LONP2: variants seen among roughly 807,000 people sequenced by gnomAD.
The protein encoded by LONP2 is lon peptidase 2, peroxisomal.
Under a neutral mutation model 85.6 loss-of-function variants are expected in LONP2, and 60 were observed. The observed-to-expected ratio is 0.70, with a 90% CI of 0.57 to 0.87. The LOEUF (loss-of-function observed/expected upper bound fraction) is 0.87, where lower values mean the gene tolerates loss of function less well. Among genes scored for constraint, LONP2 ranks in the 40% least tolerant of loss-of-function variants. The pLI is 0.00. For missense variants in LONP2, 860 were observed against 1,063.5 expected (o/e 0.81, Z 2.66); for synonymous variants, 395 against 389.7 (o/e 1.01, Z -0.16).
chr16:48,313,634 C>T (rs1317180643), intron 11 of LONP2, among the ~76,000 whole-genome samples: 1 of 152,172 alleles, frequency 6.6e-6, no homozygotes, highest in Non-Finnish European at 1.5e-5. Context: ...TAGTTTCATC[C>T]ATGTCCCTGC....
chr16:48,260,554 A>G (rs1160680391), intron 4 of LONP2, among the ~76,000 whole-genome samples: 1 of 152,240 alleles, frequency 6.6e-6, no homozygotes, highest in Non-Finnish European at 1.5e-5. Flanking sequence ...AGCAGTGTTC[A>G]TGCCATTGCA....
chr16:48,303,759 G>A (rs1308426340), intron 11 of LONP2, among the ~76,000 whole-genome samples: 1 of 152,138 alleles, frequency 6.6e-6, no homozygotes, highest in East Asian at 1.9e-4. Context: ...AGCCCCAAGA[G>A]CCCCCAGCAA....
At position 48,354,723 on chromosome 16, in the gene LONP2, T is replaced by A. The variant is rs1960272791; in HGVS notation, c.*2921T>A. 6.6e-6 allele frequency: 1 copy of A among 152,170 alleles called. No homozygotes were observed. Among genetic ancestry groups the A allele is most frequent in the Non-Finnish European group, 1.5e-5 (1 of 68,040 alleles). 9.4% of individuals were successfully genotyped at this position (152,170 alleles called of 1,614,324 possible). The stretch of plus-strand genomic sequence containing the variant: ...TCGAACAGTCACTGGGGCAACTACT[T>A]TTCGCCCAGTGTCCTCCAGAAAAGA... On this transcript the variant is annotated 3_prime_UTR_variant, in exon 15 of 15. Coordinates refer to ENST00000285737, the MANE Select transcript of LONP2 (RefSeq NM_031490.5).
At chr16:48,322,541 C>A (rs1439459168) in intron 11 of LONP2, among the ~76,000 whole-genome samples, 1 of 151,958 alleles carries the variant, frequency 6.6e-6, no homozygotes, top group Non-Finnish European at 1.5e-5. Context: ...CAGTTAACTT[C>A]TTTTTTACAG....
At chr16:48,338,903 G>C (rs1177392321) in intron 12 of LONP2, among the ~76,000 whole-genome samples, 1 of 151,962 alleles carries the variant, frequency 6.6e-6, no homozygotes, top group Non-Finnish European at 1.5e-5. Flanking sequence ...ACAAGACCCT[G>C]TCTCAAAAAA....
At chr16:48,272,881 G>A (rs2150979061) in intron 7 of LONP2, among the ~76,000 whole-genome samples, 1 of 152,230 alleles carries the variant, frequency 6.6e-6, no homozygotes, top group Middle Eastern at 3.4e-3. Flanking sequence ...GGGTTCAGTT[G>A]TTGAGGAAAG....
intron 7 of LONP2, among the ~76,000 whole-genome samples, chr16:48,272,996 G>A (rs1184442460): frequency 6.6e-6 from 1 of 152,064 alleles, no homozygotes; most frequent in Non-Finnish European, 1.5e-5. Context: ...GTGTGCCTGG[G>A]GGAACATGTG....
At chr16:48,255,107 T>C (rs1031271170) in intron 2 of LONP2, among the ~76,000 whole-genome samples, 1 of 152,200 alleles carries the variant, frequency 6.6e-6, no homozygotes, top group African/African-American at 2.4e-5. Context: ...AGTACATCAT[T>C]ATGAATTAGT....
intron 11 of LONP2, among the ~76,000 whole-genome samples, chr16:48,311,310 T>C (rs1973026331): frequency 6.6e-6 from 1 of 152,084 alleles, no homozygotes; most frequent in African/African-American, 2.4e-5. Context: ...CAATGTCTTA[T>C]GTAATCCCTT....
In LONP2 at chr16:48,351,717, G is replaced by A. The variant is rs77042401; in HGVS notation, c.2474G>A (p.Ser825Asn). The A allele has an allele frequency of 3.6e-4, 575 of 1,614,180 alleles. 1 individual carries two copies. The African/African-American group carries it at 6.6e-3, about 18-fold the overall frequency. Residue 825 changes from serine to asparagine, a missense_variant, in exon 15 of 15, where the codon AGC (serine) becomes AAC (asparagine). Coordinates refer to ENST00000285737, the MANE Select transcript of LONP2 (RefSeq NM_031490.5). ...CAGGATTTAAGTTTTGTCACAGCAA[G>A]CTGCCTGGATGAGGTTCTTAATGCA... ...VRQDLSFVTA[S>N]CLDEVLNAAF...
chr16:48,331,566 CTTTTTTT>C (rs1022632125), intron 11 of LONP2, among the ~76,000 whole-genome samples: 1 of 139,914 alleles, frequency 7.1e-6, no homozygotes, highest in Admixed American at 7.2e-5. Context: ...AAAGGATTTT[CTTTTTTT>C]TTTTTTTTTG....
intron 8 of LONP2, among the ~76,000 whole-genome samples, chr16:48,294,447 G>C (rs1453180545): frequency 6.6e-6 from 1 of 152,214 alleles, no homozygotes; most frequent in Non-Finnish European, 1.5e-5. Flanking sequence ...ACAAAATTCA[G>C]AATTATGTAT....
chr16:48,335,509 A>G (rs891995768), intron 12 of LONP2, among the ~76,000 whole-genome samples: 4 of 152,210 alleles, frequency 2.6e-5, no homozygotes, highest in African/African-American at 9.7e-5. Context: ...TGCTTAGATG[A>G]GCTTTCATAG....
chr16:48,347,446 T>TGTG (rs1247256788), intron 12 of LONP2, 61 bp from the exon 13 acceptor site: 3 of 1,528,614 alleles, frequency 2.0e-6, no homozygotes, highest in Non-Finnish European at 2.7e-6. Context: ...TGCAGGATTG[T>TGTG]GTGGTATCAG....
chr16:48,281,101 G>T (rs1053638571), intron 8 of LONP2, among the ~76,000 whole-genome samples: 2 of 152,122 alleles, frequency 1.3e-5, no homozygotes, highest in African/African-American at 4.8e-5. Flanking sequence ...TTTGTAAAAT[G>T]TATAAGATTA....
downstream of LONP2, chr16:48,360,716 TG>T (rs1960549758): frequency 6.6e-6 from 1 of 152,616 alleles, no homozygotes; most frequent in African/African-American, 2.4e-5. Flanking sequence ...CCAAGATATC[TG>T]AAAAAGGAAA....
chr16:48,314,707 G>C (rs918726856), intron 11 of LONP2, among the ~76,000 whole-genome samples: 2 of 152,124 alleles, frequency 1.3e-5, no homozygotes, highest in African/African-American at 4.8e-5. Context: ...ATCATTTTCT[G>C]TGGCACACTT....
intron 12 of LONP2, among the ~76,000 whole-genome samples, chr16:48,342,282 C>T (rs1230342154): frequency 1.3e-5 from 2 of 152,164 alleles, no homozygotes; most frequent in Non-Finnish European, 2.9e-5. Context: ...CACTTTAAAG[C>T]CTCCTGAATA....
chr16:48,267,584 G>A (rs368605807), intron 6 of LONP2, among the ~76,000 whole-genome samples: 4 of 151,734 alleles, frequency 2.6e-5, no homozygotes, highest in Non-Finnish European at 4.4e-5. Context: ...ACAGACCTGA[G>A]CCACTGTGTC....
Sources: gnomAD v4.1 joint callset for allele counts (sites outside exome capture counted in the v4.1 genomes callset) on GRCh38, gnomAD v4.1.1 for gene constraint, MANE v1.5 for transcripts, NCBI Gene and HGNC (gene_info 2026-07-23, HGNC 2026-07-21) for gene names.